The following SLC7A14 variants were observed in gnomAD, a reference collection of about 807,000 sequenced individuals.
SLC7A14 encodes solute carrier family 7 member 14.
A neutral mutation model predicts 60.2 loss-of-function variants in SLC7A14; 37 were observed. That is an observed-to-expected ratio of 0.61 (90% CI 0.47 to 0.81). The LOEUF is 0.81. Ranked by LOEUF, SLC7A14 falls within the 30% of genes least tolerant of loss-of-function variation. The pLI is 0.00. For missense variants in SLC7A14, 886 were observed against 982.7 expected (o/e 0.90, Z 1.32); for synonymous variants, 399 against 395.8 (o/e 1.01, Z -0.10).
At chr3:170,505,887 C>CA (rs199647740) in intron 2 of SLC7A14, among the ~76,000 whole-genome samples, 2,868 of 131,974 alleles carry the variant, frequency 0.022, 103 homozygotes, top group African/African-American at 0.072. Flanking sequence ...GACTCTGTTT[C>CA]AAAAAAAAAA....
At chr3:170,506,859 T>C (rs1329286773) in intron 2 of SLC7A14, among the ~76,000 whole-genome samples, 1 of 152,144 alleles carries the variant, frequency 6.6e-6, no homozygotes, top group East Asian at 1.9e-4. Context: ...GAAAATTCTA[T>C]TTTTAAGTGG....
At chr3:170,495,908 G>A in intron 4 of SLC7A14, 1 of 1,436,824 alleles carries the variant, frequency 7.0e-7, no homozygotes, top group Non-Finnish European at 9.8e-7. Flanking sequence ...AGGAGAAGCT[G>A]AAGCTGGAGG....
At chr3:170,527,252 C>T (rs994583828) in intron 1 of SLC7A14, among the ~76,000 whole-genome samples, 164 bp from the exon 2 acceptor site, 8 of 152,198 alleles carry the variant, frequency 5.3e-5, no homozygotes, top group South Asian at 2.1e-4. Context: ...CTCTTCTCTC[C>T]AGTCCTAAAG....
At chr3:170,525,403 C>A (rs1713461933) in intron 2 of SLC7A14, among the ~76,000 whole-genome samples, 1 of 152,174 alleles carries the variant, frequency 6.6e-6, no homozygotes, top group African/African-American at 2.4e-5. Context: ...CAAGGGGAGA[C>A]AAGGAGCTGC....
intron 1 of SLC7A14, among the ~76,000 whole-genome samples, chr3:170,556,985 C>T (rs144757605): frequency 6.6e-6 from 1 of 152,280 alleles, no homozygotes; most frequent in East Asian, 1.9e-4. Flanking sequence ...AAGTGGTGCG[C>T]ATGAGGCTTT....
chr3:170,527,168 A>G, intron 1 of SLC7A14, 80 bp from the exon 2 acceptor site: 1 of 570,466 alleles, frequency 1.8e-6, no homozygotes. Flanking sequence ...TTGGAGGTTA[A>G]TGTCCTGAAC....
At chr3:170,512,974 G>A (rs1056793893) in intron 2 of SLC7A14, among the ~76,000 whole-genome samples, 1 of 152,164 alleles carries the variant, frequency 6.6e-6, no homozygotes, top group African/African-American at 2.4e-5. Context: ...GTAAACTGTG[G>A]CCGCAGTGTC....
At chr3:170,475,693 C>T (rs983217648) in intron 7 of SLC7A14, among the ~76,000 whole-genome samples, 1 of 151,898 alleles carries the variant, frequency 6.6e-6, no homozygotes, top group Non-Finnish European at 1.5e-5. Flanking sequence ...TTCAGTAGAC[C>T]TGGGGTGGAG....
chr3:170,520,550 A>G (rs1391770068), intron 2 of SLC7A14, among the ~76,000 whole-genome samples: 2 of 152,142 alleles, frequency 1.3e-5, no homozygotes, highest in African/African-American at 2.4e-5. Context: ...TTTTTACTGA[A>G]CCTTATCTTA....
intron 2 of SLC7A14, 143 bp from the exon 3 acceptor site, chr3:170,501,488 G>A: frequency 1.5e-6 from 1 of 687,878 alleles, no homozygotes; most frequent in Non-Finnish European, 2.5e-6. Flanking sequence ...AATCGATTCA[G>A]AGCCAACTCT....
chr3:170,497,268 T>G (rs556222941), intron 4 of SLC7A14, among the ~76,000 whole-genome samples: 19 of 152,172 alleles, frequency 1.2e-4, no homozygotes, highest in Non-Finnish European at 2.4e-4. Flanking sequence ...CCAACAGTGT[T>G]TCTTTGTCTC....
chr3:170,481,120 A>G lies in SLC7A14; in HGVS notation c.1162T>C (p.Cys388Arg), dbSNP rs1226113363. 1 of 1,614,004 alleles carries G rather than the reference A, an allele frequency of 6.2e-7. No homozygotes were observed. The highest frequency in any genetic ancestry group is 8.5e-7 in the Non-Finnish European group (1 of 1,179,982). The change falls in exon 7 of 8, where the codon TGC becomes CGC. Residue 388 changes from cysteine (C) to arginine (R), a missense_variant. Transcript: ENST00000231706. Reference protein sequence around the residue: ...SSYTETPVVACIVSGFLAALL... With the variant: ...SSYTETPVVARIVSGFLAALL... ...GCTGCCAGGAACCCCGACACGATGC[A>G]GGCCACCACTGGTGTCTCTGTGTAG...
intron 7 of SLC7A14, among the ~76,000 whole-genome samples, chr3:170,470,049 C>T (rs951683609): frequency 2.0e-5 from 3 of 152,100 alleles, no homozygotes; most frequent in African/African-American, 4.8e-5. Context: ...GGAAAAGATG[C>T]TATAGATCAC....
intron 1 of SLC7A14, among the ~76,000 whole-genome samples, chr3:170,566,751 G>T (rs1201522054): frequency 6.6e-6 from 1 of 150,844 alleles, no homozygotes; most frequent in African/African-American, 2.4e-5. Flanking sequence ...ACTTCTTTAA[G>T]AAAACTGCAA....
intron 1 of SLC7A14, among the ~76,000 whole-genome samples, chr3:170,529,863 G>C (rs1043238998): frequency 2.6e-5 from 4 of 152,142 alleles, no homozygotes; most frequent in African/African-American, 9.7e-5. Context: ...AGACATGGGG[G>C]TTATGCCTCT....
At chr3:170,497,512 T>TAAGCAAAAGCTGCAA (rs1183380314) in intron 4 of SLC7A14, among the ~76,000 whole-genome samples, 1 of 152,240 alleles carries the variant, frequency 6.6e-6, no homozygotes, top group African/African-American at 2.4e-5. Flanking sequence ...AAAACCAGCC[T>TAAGCAAAAGCTGCAA]AAGCAAAAGC....
chr3:170,508,528 A>T (rs1447617743), intron 2 of SLC7A14, among the ~76,000 whole-genome samples: 1 of 152,222 alleles, frequency 6.6e-6, no homozygotes, highest in Non-Finnish European at 1.5e-5. Flanking sequence ...TTTCTCATCC[A>T]TGAAGTCAAT....
intron 1 of SLC7A14, among the ~76,000 whole-genome samples, chr3:170,553,452 CA>C (rs2108306298): frequency 6.6e-6 from 1 of 152,250 alleles, no homozygotes; most frequent in African/African-American, 2.4e-5. Flanking sequence ...ACTCCCAGTT[CA>C]AAACAGTAAC....
chr3:170,558,663 A>C (rs1560280254), intron 1 of SLC7A14, among the ~76,000 whole-genome samples: 1 of 152,196 alleles, frequency 6.6e-6, no homozygotes, highest in Non-Finnish European at 1.5e-5. Flanking sequence ...CAGTACTAAG[A>C]CTGTGCAGCT....
Sources: gnomAD v4.1 joint callset for allele counts (sites outside exome capture counted in the v4.1 genomes callset) on GRCh38, gnomAD v4.1.1 for gene constraint, MANE v1.5 for transcripts, NCBI Gene and HGNC (gene_info 2026-07-23, HGNC 2026-07-21) for gene names.